The following COLGALT2 variants were observed in gnomAD, a reference collection of about 807,000 sequenced individuals.
COLGALT2 encodes the protein procollagen galactosyltransferase 2.
A neutral mutation model predicts 73.4 loss-of-function variants in COLGALT2; 49 were observed. The ratio of observed to expected loss-of-function variants is 0.67; its 90% CI spans 0.53 to 0.85. The LOEUF is 0.85. Ranked by LOEUF, COLGALT2 falls within the 40% of genes least tolerant of loss-of-function variation. The pLI is 0.00. For missense variants in COLGALT2, 722 were observed against 790.2 expected, an observed-to-expected ratio of 0.91 and a Z score of 1.03; for synonymous variants, 295 against 307.6, an observed-to-expected ratio of 0.96 and a Z score of 0.43.
At chr1:183,998,735 ATGTTTTTAAT>A (rs1671837380) in intron 1 of COLGALT2, among the ~76,000 whole-genome samples, 1 of 151,892 alleles carries the variant, frequency 6.6e-6, no homozygotes, top group Admixed American at 6.6e-5. Flanking sequence ...GCCTTCCTTA[ATGTTTTTAAT>A]AAAGTTTCAG....
intron 2 of COLGALT2, among the ~76,000 whole-genome samples, chr1:183,975,671 T>C (rs1671170138): frequency 6.6e-6 from 1 of 152,162 alleles, no homozygotes; most frequent in South Asian, 2.1e-4. Flanking sequence ...AAATCAAAGG[T>C]TTAATCTACT....
At chr1:183,954,455 T>C (rs1233115418) in intron 7 of COLGALT2, among the ~76,000 whole-genome samples, 1 of 152,242 alleles carries the variant, frequency 6.6e-6, no homozygotes, top group Non-Finnish European at 1.5e-5. Flanking sequence ...CTCTTGAATT[T>C]TGATAAAAAG....
intron 1 of COLGALT2, among the ~76,000 whole-genome samples, chr1:183,983,600 G>C (rs12727244): frequency 6.6e-6 from 1 of 152,128 alleles, no homozygotes; most frequent in Non-Finnish European, 1.5e-5. Flanking sequence ...GCACAAGGCA[G>C]CAACAGCGCA....
chr1:183,985,506 C>T (rs1465143880), intron 1 of COLGALT2, among the ~76,000 whole-genome samples: 1 of 152,148 alleles, frequency 6.6e-6, no homozygotes, highest in Non-Finnish European at 1.5e-5. Flanking sequence ...TCCTGATCCT[C>T]AGGTGATCCA....
chr1:184,036,280 TGGGGCGGGCAG>T (rs1649672711), intron 1 of COLGALT2, among the ~76,000 whole-genome samples: 1 of 152,224 alleles, frequency 6.6e-6, no homozygotes, highest in Admixed American at 6.5e-5. Flanking sequence ...TTCTACAAGG[TGGGGCGGGCAG>T]GCACCCGCAC....
At position 183,940,599 on chromosome 1, in the gene COLGALT2, A is replaced by T; in HGVS notation, c.1586T>A (p.Met529Lys). Residue 529 changes from methionine (M) to lysine (K), a missense_variant, in exon 11 of 12, where the codon ATG becomes AAG. Coordinates refer to ENST00000361927, the MANE Select transcript of COLGALT2 (RefSeq NM_015101.4). ...GACTCACACGGGATGCTTGTTGTACATGACTGGCAGAAACTCATCCACTGG... is the reference window on the plus strand; with the variant it reads ...GACTCACACGGGATGCTTGTTGTACTTGACTGGCAGAAACTCATCCACTGG... ...MLPVDEFLPV[M>K]YNKHPVAEYK... 4 of 1,614,218 alleles carry T rather than the reference A, an allele frequency of 2.5e-6. No homozygotes were observed. The highest frequency in any genetic ancestry group is 3.4e-6 in the Non-Finnish European group (4 of 1,180,036).
intron 8 of COLGALT2, chr1:183,946,262 A>T (rs1331914922): frequency 2.6e-5 from 4 of 152,260 alleles, no homozygotes. Context: ...TTTGAGAAGC[A>T]TTATCAGCTG....
intron 1 of COLGALT2, among the ~76,000 whole-genome samples, chr1:184,029,094 T>G (rs1276531431): frequency 6.6e-6 from 1 of 152,238 alleles, no homozygotes; most frequent in Non-Finnish European, 1.5e-5. Context: ...TGAGGTTTAA[T>G]TCATGCAAGA....
intron 1 of COLGALT2, among the ~76,000 whole-genome samples, chr1:184,003,318 A>T (rs1671979204): frequency 6.6e-6 from 1 of 152,186 alleles, no homozygotes; most frequent in Non-Finnish European, 1.5e-5. Flanking sequence ...TTGGCCAAAA[A>T]GACTCATGAC....
intron 1 of COLGALT2, among the ~76,000 whole-genome samples, chr1:184,015,645 C>T (rs1343288215): frequency 6.6e-6 from 1 of 152,206 alleles, no homozygotes; most frequent in Non-Finnish European, 1.5e-5. Flanking sequence ...GTTCTGAGAT[C>T]CCACGCAACA....
chr1:183,977,461 ACT>A (rs1367993630), intron 2 of COLGALT2, among the ~76,000 whole-genome samples: 3 of 122,372 alleles, frequency 2.5e-5, no homozygotes, highest in African/African-American at 5.9e-5. Flanking sequence ...ACATAGCAAG[ACT>A]CTGTCTCAAA....
chr1:183,940,825 A>C (rs1233048588), intron 10 of COLGALT2, 38 bp from the exon 11 acceptor site: 2 of 1,537,000 alleles, frequency 1.3e-6, no homozygotes, highest in Non-Finnish European at 1.8e-6. Flanking sequence ...TTCCACCTTG[A>C]CTATTATGCC....
At chr1:183,977,014 T>C (rs1221723263) in intron 2 of COLGALT2, among the ~76,000 whole-genome samples, 1 of 152,202 alleles carries the variant, frequency 6.6e-6, no homozygotes, top group Non-Finnish European at 1.5e-5. Context: ...GCTAAATTCA[T>C]GGAATTTTAA....
At chr1:183,991,243 A>T (rs1320077475) in intron 1 of COLGALT2, among the ~76,000 whole-genome samples, 2 of 152,226 alleles carry the variant, frequency 1.3e-5, no homozygotes, top group African/African-American at 4.8e-5. Context: ...AATCAATGAC[A>T]CGAACAAAAA....
At chr1:183,976,634 A>G (rs931642912) in intron 2 of COLGALT2, among the ~76,000 whole-genome samples, 6 of 152,124 alleles carry the variant, frequency 3.9e-5, no homozygotes, top group Admixed American at 2.6e-4. Flanking sequence ...TCCAACCAGT[A>G]TTAATTTAGT....
At chr1:183,948,742 A>G (rs757467382) in intron 8 of COLGALT2, among the ~76,000 whole-genome samples, 3 of 152,178 alleles carry the variant, frequency 2.0e-5, no homozygotes, top group Non-Finnish European at 4.4e-5. Context: ...TGAAGAAGAA[A>G]TAAATGGTAT....
chr1:183,984,507 C>T (rs1324509144), intron 1 of COLGALT2, among the ~76,000 whole-genome samples: 1 of 152,154 alleles, frequency 6.6e-6, no homozygotes, highest in Non-Finnish European at 1.5e-5. Context: ...CTTTCCTTTA[C>T]CTCTAAGGAG....
At position 184,008,206 on chromosome 1, in the gene COLGALT2, T is replaced by C. The variant is rs372648611; in HGVS notation, c.263+28889A>G. 9.9e-5 allele frequency among the ~76,000 whole-genome samples: 15 copies of C among 152,220 alleles called. No homozygotes were observed. In the South Asian group the frequency reaches 1.0e-3, roughly 11 times the overall value. On this transcript the variant is annotated intron_variant, in intron 1 of 11. Coordinates refer to ENST00000361927, the MANE Select transcript of COLGALT2 (RefSeq NM_015101.4). ...AACAAAAGCTAATCATGAGGAAACA[T>C]TGGAGAAGCAGTGGAATATTTTATA...
chr1:184,013,598 C>T (rs1441867580), intron 1 of COLGALT2, among the ~76,000 whole-genome samples: 1 of 152,128 alleles, frequency 6.6e-6, no homozygotes, highest in African/African-American at 2.4e-5. Context: ...ACTGGCAGAA[C>T]CCTTGTATCT....
Sources: allele counts gnomAD v4.1 joint callset (sites outside exome capture counted in the v4.1 genomes callset), GRCh38; gene constraint gnomAD v4.1.1; transcripts MANE v1.5; gene names NCBI Gene and HGNC (gene_info 2026-07-23, HGNC 2026-07-21).